Variants in ZNF585A observed in about 807,000 individuals in gnomAD.
ZNF585A encodes zinc finger protein 585A.
In ZNF585A, 9 loss-of-function variants were observed where a neutral mutation model predicts 14.9. That is an observed-to-expected ratio of 0.60 (90% CI 0.36 to 1.05). The LOEUF (loss-of-function observed/expected upper bound fraction) is 1.05. Ranked by LOEUF, ZNF585A falls within the 50% of genes least tolerant of loss-of-function variation. ZNF585A has a pLI of 0.01. For synonymous variants in ZNF585A, 276 were observed against 319.9 expected, an observed-to-expected ratio of 0.86 and a Z score of 1.46; for missense variants, 726 against 926.4, an observed-to-expected ratio of 0.78 and a Z score of 2.81.
chr19:37,164,484 C>A (rs530615589), intron 2 of ZNF585A, among the ~76,000 whole-genome samples: 1 of 151,808 alleles, frequency 6.6e-6, no homozygotes, highest in Non-Finnish European at 1.5e-5. Flanking sequence ...CTCTCAGCAA[C>A]TTGAGACAAA....
intron 2 of ZNF585A, among the ~76,000 whole-genome samples, chr19:37,164,422 T>G (rs1203934544): frequency 1.3e-5 from 2 of 150,346 alleles, no homozygotes; most frequent in Non-Finnish European, 3.0e-5. Flanking sequence ...AAAAAAGAAC[T>G]ATAGGAAAAT....
Position 37,152,358 on chromosome 19 carries a change from C to A in ZNF585A, c.1541G>T (p.Arg514Ile). ...ATAAGGCTTCTCCCCAGTATGGATT[C>A]TCTGATGTGTAATCAAGTCTGACCT... is the stretch of plus-strand genomic sequence containing the variant. ...TQRSDLITHQ[R>I]IHTGEKPYEC... Residue 514 changes from arginine to isoleucine, a missense_variant, in exon 5 of 5, where the codon AGA becomes ATA. By Grantham distance (97) the Arg-to-Ile change is moderately conservative (BLOSUM62 -3). This residue lies in a region of ZNF585A where 243 missense variants were observed against 383.6 expected (regional missense o/e 0.63). Transcript: ENST00000292841. The A allele has an allele frequency of 1.2e-6, 2 of 1,613,912 alleles. No homozygotes were observed. The highest frequency in any genetic ancestry group is 1.7e-6 in the Non-Finnish European group (2 of 1,179,992).
chr19:37,166,874 C>T lies in ZNF585A; in HGVS notation c.72+2965G>A, dbSNP rs187502384. Among the ~76,000 whole-genome samples, 14 of 152,208 alleles carry T rather than the reference C, an allele frequency of 9.2e-5. No homozygotes were observed. The East Asian group carries it at 2.1e-3, about 23-fold the overall frequency. On this transcript the variant is annotated intron_variant, in intron 2 of 4. Coordinates refer to ENST00000292841, the MANE Select transcript of ZNF585A (RefSeq NM_001288800.2). ...TATGAGACAGGGTCTCACTGTGTCA[C>T]GCAGACTGGAGTACAGTGGCATGAT... is the stretch of plus-strand genomic sequence containing the variant.
chr19:37,172,205 T>C (rs1972193905), intron 1 of ZNF585A, among the ~76,000 whole-genome samples: 1 of 152,152 alleles, frequency 6.6e-6, no homozygotes, highest in South Asian at 2.1e-4. Context: ...AAACAGACAT[T>C]ACTTTAAAAA....
intron 1 of ZNF585A, among the ~76,000 whole-genome samples, chr19:37,171,724 A>T (rs1189288123): frequency 6.6e-6 from 1 of 152,134 alleles, no homozygotes; most frequent in Non-Finnish European, 1.5e-5. Context: ...AACATGGTGA[A>T]TCCCCGTCTC....
intron 1 of ZNF585A, among the ~76,000 whole-genome samples, chr19:37,171,494 CA>C (rs1354796371): frequency 6.6e-6 from 1 of 152,110 alleles, no homozygotes; most frequent in Non-Finnish European, 1.5e-5. Context: ...TTTTAAAATG[CA>C]ACAATATCCA....
rs371643138 is a variant in ZNF585A, at chr19:37,150,748, G to GA, written c.*840dup. ...TAAGCTTCAAGTCAGTGATGAGTACGAAAAAAAAAAAAAGGCAACTGAGTT... is the reference window on the plus strand; with the variant it reads ...TAAGCTTCAAGTCAGTGATGAGTACGAAAAAAAAAAAAAAGGCAACTGAGTT... On this transcript the variant is annotated 3_prime_UTR_variant, in exon 5 of 5. Coordinates refer to ENST00000292841, the MANE Select transcript of ZNF585A (RefSeq NM_001288800.2). 140 of 139,382 alleles carry GA rather than the reference G, an allele frequency of 1.0e-3. No homozygotes were observed. The highest frequency in any genetic ancestry group is 5.5e-3 in the Middle Eastern group (8 of 1,448). The allele number at this position is 139,382 out of a possible 1,614,324, so 8.6% of individuals were successfully genotyped here.
chr19:37,167,125 C>T (rs1419255182), intron 2 of ZNF585A, among the ~76,000 whole-genome samples: 1 of 152,116 alleles, frequency 6.6e-6, no homozygotes, highest in African/African-American at 2.4e-5. Context: ...TGAGCCACTA[C>T]ACCCAGCCTA....
chr19:37,163,295 C>G (rs1265643031), intron 2 of ZNF585A, among the ~76,000 whole-genome samples: 3 of 151,160 alleles, frequency 2.0e-5, no homozygotes, highest in Admixed American at 2.0e-4. Flanking sequence ...GAAGAATACA[C>G]TAGAAATAAA....
intron 1 of ZNF585A, among the ~76,000 whole-genome samples, chr19:37,170,640 T>C (rs1306959615): frequency 2.0e-5 from 3 of 152,164 alleles, no homozygotes; most frequent in African/African-American, 7.2e-5. Context: ...TGCGCCACCA[T>C]GTCCAGCTAA....
At chr19:37,158,714 T>C (rs991726862) in intron 2 of ZNF585A, among the ~76,000 whole-genome samples, 1 of 152,198 alleles carries the variant, frequency 6.6e-6, no homozygotes, top group Non-Finnish European at 1.5e-5. Flanking sequence ...TGAACCAATC[T>C]TAAAAAAATA....
rs780871575 is a variant in ZNF585A, at chr19:37,156,292, G to T, written c.136C>A (p.Pro46Thr). Residue 46 changes from proline (P) to threonine (T), a missense_variant, in exon 3 of 5, where the codon CCT becomes ACT. This residue lies in a region of ZNF585A where 483 missense variants were observed against 542.8 expected (regional missense o/e 0.89). Transcript: ENST00000292841. ...TCCCGGTACAGGTTTCTCTGAGAAG[G>T]GTCCAGGTGCCGCCATTCCTCTCTG... ...FSREEWRHLD[P>T]SQRNLYRDVM... The T allele has an allele frequency of 1.9e-6, 3 of 1,614,098 alleles. No individual in the cohort carries two copies. The highest frequency in any genetic ancestry group is 3.3e-5 in the Admixed American group (2 of 60,012).
At position 37,153,436 on chromosome 19, in the gene ZNF585A, C is replaced by T. The variant is rs1321327334; in HGVS notation, c.463G>A (p.Glu155Lys). Residue 155 changes from glutamate (E) to lysine (K), a missense_variant, in exon 5 of 5, where the codon GAA becomes AAA. This residue lies in a region of ZNF585A where 483 missense variants were observed against 542.8 expected (regional missense o/e 0.89). Transcript: ENST00000292841. ...CATTCAATGCATACATAGAGCTTTT[C>T]TCCTGCAAGAACTTTCAGGTGTACT... ...LKVHLKVLAG[E>K]KLYVCIECGK... The T allele has an allele frequency of 6.2e-7, 1 of 1,614,198 alleles. No homozygotes were observed. Among genetic ancestry groups the T allele is most frequent in the Non-Finnish European group, 8.5e-7 (1 of 1,180,032 alleles).
At position 37,146,040 on chromosome 19, in the gene ZNF585A, T is replaced by G. The variant is rs1971739167; in HGVS notation, c.*5549A>C. 1 of 152,126 alleles carries G rather than the reference T, an allele frequency of 6.6e-6. No homozygotes were observed. The highest frequency in any genetic ancestry group is 6.6e-5 in the Admixed American group (1 of 15,260). 9.4% of individuals were successfully genotyped at this position (152,126 alleles called of 1,614,324 possible). A position where few individuals can be genotyped will look rare whatever the true frequency, so the allele number is the denominator to read the frequency against. On this transcript the variant is annotated 3_prime_UTR_variant, in exon 5 of 5. Coordinates refer to ENST00000292841, the MANE Select transcript of ZNF585A (RefSeq NM_001288800.2). The stretch of plus-strand genomic sequence containing the variant: ...GCATGGTGTACGGTATGGTACGGTA[T>G]GAGGAATGTGGAGTAGAGTGTGGTG...
At chr19:37,171,345 C>CA (rs1295889159) in intron 1 of ZNF585A, among the ~76,000 whole-genome samples, 5 of 151,220 alleles carry the variant, frequency 3.3e-5, no homozygotes, top group African/African-American at 7.3e-5. Context: ...AAATATACCA[C>CA]AAAAAAAAGT....
intron 2 of ZNF585A, among the ~76,000 whole-genome samples, chr19:37,164,729 T>C (rs1484730555): frequency 6.6e-6 from 1 of 152,180 alleles, no homozygotes; most frequent in Non-Finnish European, 1.5e-5. Context: ...CTAGGCTGGA[T>C]GTAGTGGCAA....
chr19:37,162,804 A>C (rs1972031641), intron 2 of ZNF585A, among the ~76,000 whole-genome samples: 1 of 152,164 alleles, frequency 6.6e-6, no homozygotes, highest in Non-Finnish European at 1.5e-5. Context: ...AAAGAAGGGA[A>C]CAACACACAC....
chr19:37,154,930 G>T (rs1224196732), intron 4 of ZNF585A, among the ~76,000 whole-genome samples: 1 of 151,830 alleles, frequency 6.6e-6, no homozygotes, highest in Non-Finnish European at 1.5e-5. Flanking sequence ...AAAGACTCTA[G>T]GACTATGGGG....
chr19:37,163,747 A>T (rs1972046374), intron 2 of ZNF585A, among the ~76,000 whole-genome samples: 2 of 152,210 alleles, frequency 1.3e-5, no homozygotes, highest in South Asian at 4.1e-4. Context: ...TGACACACAC[A>T]CACACACACA....
Sources: gnomAD v4.1 joint callset for allele counts (sites outside exome capture counted in the v4.1 genomes callset) on GRCh38, gnomAD v4.1.1 for gene constraint, gnomAD v4.1.1 regional missense constraint, MANE v1.5 for transcripts, NCBI Gene and HGNC (gene_info 2026-07-23, HGNC 2026-07-21) for gene names.